The following OSBP variants were observed in gnomAD, a reference collection of about 807,000 sequenced individuals.
The protein encoded by OSBP is oxysterol-binding protein 1.
OSBP carries 32 observed loss-of-function variants against 96.6 expected under a neutral mutation model. That is an observed-to-expected ratio of 0.33 (90% CI 0.25 to 0.45). OSBP has a LOEUF of 0.45. Among genes scored for constraint, OSBP ranks in the 20% least tolerant of loss-of-function variants. The pLI is 1.00. For synonymous variants in OSBP, 369 were observed against 389.6 expected (o/e 0.95, Z 0.62); for missense variants, 653 against 1,029.7 (o/e 0.63, Z 5.01).
rs1213840643 is a variant in OSBP, at chr11:59,577,017, G to A, written c.2069C>T (p.Ala690Val). Residue 690 changes from alanine to valine, a missense_variant, in exon 13 of 14, where the codon GCA becomes GTA. Ala to Val is a moderately conservative substitution (Grantham distance 64). Around this residue, in one of 6 missense-constraint regions of OSBP, gnomAD observed 169 missense variants for 251.5 expected, o/e 0.67. Coordinates refer to ENST00000263847, the MANE Select transcript of OSBP (RefSeq NM_002556.3). ...LWKRNPLPKN[A>V]ENMYYFSELA... ...CTCTGAGAAGTAGTACATGTTTTCT[G>A]CATTCTTCCTAAAAGTAGAAGACAA... 6.2e-7 allele frequency: 1 copy of A among 1,611,002 alleles called. No homozygotes were observed. Among genetic ancestry groups the A allele is most frequent in the Non-Finnish European group, 8.5e-7 (1 of 1,178,970 alleles).
intron 9 of OSBP, among the ~76,000 whole-genome samples, chr11:59,582,826 A>G (rs1389318479): frequency 2.0e-5 from 3 of 152,166 alleles, no homozygotes; most frequent in Non-Finnish European, 4.4e-5. Context: ...TTTATCATCT[A>G]TAAACTTGGG....
chr11:59,581,785 C>T lies in OSBP; in HGVS notation c.1679-231G>A, dbSNP rs141316619. Reference sequence around the variant, plus strand: ...AAAACATAACTAAATGATGACAAACCCTGGCAACTGATATACCTTAGCTAG... The same window carrying T: ...AAAACATAACTAAATGATGACAAACTCTGGCAACTGATATACCTTAGCTAG... On this transcript the variant is annotated intron_variant, in intron 9 of 13. Transcript: ENST00000263847. Among the ~76,000 whole-genome samples, 70 of 152,244 alleles carry T rather than the reference C, an allele frequency of 4.6e-4. No individual in the cohort carries two copies. The East Asian group carries it at 0.011, about 24-fold the overall frequency.
intron 1 of OSBP, among the ~76,000 whole-genome samples, chr11:59,611,049 C>A (rs1445796296): frequency 6.7e-6 from 1 of 149,698 alleles, no homozygotes; most frequent in Non-Finnish European, 1.5e-5. Flanking sequence ...GCAGGAGAAT[C>A]GCTTGAACTT....
At chr11:59,581,071 T>C (rs1402816297) in intron 10 of OSBP, among the ~76,000 whole-genome samples, 1 of 152,220 alleles carries the variant, frequency 6.6e-6, no homozygotes, top group Non-Finnish European at 1.5e-5. Context: ...AATGATATAA[T>C]AAATTATTGA....
chr11:59,578,902 T>C (rs1860388887), intron 11 of OSBP, among the ~76,000 whole-genome samples: 1 of 152,240 alleles, frequency 6.6e-6, no homozygotes, highest in Non-Finnish European at 1.5e-5. Flanking sequence ...GTATATAATT[T>C]GCATTTATCC....
At chr11:59,586,863 A>T (rs1860504990) in intron 9 of OSBP, among the ~76,000 whole-genome samples, 1 of 152,242 alleles carries the variant, frequency 6.6e-6, no homozygotes. Flanking sequence ...ACCATGTACA[A>T]AAATTAACTC....
intron 3 of OSBP, 71 bp downstream of exon 3, chr11:59,608,413 G>C: frequency 6.3e-7 from 1 of 1,584,108 alleles, no homozygotes; most frequent in Non-Finnish European, 8.7e-7. Context: ...ACAATTTTTA[G>C]GCATTTGGGG....
At chr11:59,584,478 G>C (rs1860469103) in intron 9 of OSBP, among the ~76,000 whole-genome samples, 1 of 152,178 alleles carries the variant, frequency 6.6e-6, no homozygotes, top group African/African-American at 2.4e-5. Flanking sequence ...ATGCAAGGAT[G>C]GTTGAACACA....
intron 10 of OSBP, among the ~76,000 whole-genome samples, chr11:59,581,176 C>T (rs752717129): frequency 8.5e-5 from 13 of 152,162 alleles, no homozygotes; most frequent in Non-Finnish European, 1.3e-4. Context: ...GTTGGGGCCA[C>T]GTTTGTTTTT....
chr11:59,578,066 A>T, intron 12 of OSBP, 83 bp downstream of exon 12: 1 of 1,269,132 alleles, frequency 7.9e-7, no homozygotes, highest in Non-Finnish European at 1.1e-6. Flanking sequence ...TAATTAAGTG[A>T]GAGGGCAGGC....
intron 9 of OSBP, among the ~76,000 whole-genome samples, chr11:59,582,860 A>C (rs1251433082): frequency 6.6e-6 from 1 of 152,152 alleles, no homozygotes. Flanking sequence ...TTGTGCAGTA[A>C]ATGTCTGTTT....
chr11:59,608,601 C>G lies in OSBP; in HGVS notation c.705G>C (p.Leu235=). The G allele has an allele frequency of 6.2e-7, 1 of 1,614,154 alleles. No homozygotes were observed. The change falls in exon 3 of 14, where the codon CTG becomes CTC. Residue 235 remains leucine, a synonymous_variant. Transcript: ENST00000263847. ...NDLIAKHGTA[L]QRSLSELESL... is the part of the protein sequence containing the mutation. ...ACTCCAGCTCACTGAGAGAACGCTG[C>G]AGAGCTGTGCCATGCTTAGCTATCA...
chr11:59,575,681 GCA>G lies in OSBP; in HGVS notation c.*894_*895del, dbSNP rs1166855806. The G allele has an allele frequency of 6.6e-6, 1 of 152,422 alleles. No homozygotes were observed. Among genetic ancestry groups the G allele is most frequent in the African/African-American group, 2.4e-5 (1 of 41,396 alleles). 9.4% of individuals were successfully genotyped at this position (152,422 alleles called of 1,614,324 possible). ...AGGCAATGTTTTGCTCCACACTGGG[GCA>G]CAGACCCAAAATGGTACTGTGCCAG... On this transcript the variant is annotated 3_prime_UTR_variant, in exon 14 of 14. Transcript: ENST00000263847.
chr11:59,602,561 A>T (rs1269632236), intron 3 of OSBP, among the ~76,000 whole-genome samples: 1 of 152,176 alleles, frequency 6.6e-6, no homozygotes, highest in African/African-American at 2.4e-5. Context: ...TACGGCCATC[A>T]CCTGCCTTGT....
intron 1 of OSBP, 30 bp downstream of exon 1, chr11:59,615,273 G>C: frequency 6.4e-7 from 1 of 1,557,622 alleles, no homozygotes; most frequent in Non-Finnish European, 8.8e-7. Flanking sequence ...GGGGAGGCAA[G>C]GTGAGCGACA....
rs1403568232 is a variant in OSBP at position 59,604,723 on chromosome 11, G to A, written c.823-2885C>T. On this transcript the variant is annotated intron_variant, in intron 3 of 13. Transcript: ENST00000263847. ...CTCAAAAAAAAAGTTGAGTGTAGCA[G>A]CTCTGCCTGTAGTCCCAGCTACTCA... Among the ~76,000 whole-genome samples, 4 of 150,894 alleles carry A rather than the reference G, an allele frequency of 2.7e-5. No homozygotes were observed. The East Asian group carries it at 7.9e-4, about 30-fold the overall frequency.
At chr11:59,613,711 C>T (rs1163760229) in intron 1 of OSBP, among the ~76,000 whole-genome samples, 1 of 152,118 alleles carries the variant, frequency 6.6e-6, no homozygotes, top group Non-Finnish European at 1.5e-5. Context: ...TCGAAAGGGT[C>T]ATAATTAAAA....
At chr11:59,581,585 C>A (rs765450774) in intron 9 of OSBP, 31 bp from the exon 10 acceptor site, 1 of 1,325,408 alleles carries the variant, frequency 7.5e-7, no homozygotes, top group Non-Finnish European at 1.1e-6. Flanking sequence ...CCAAATTAAG[C>A]CAAATGTCAG....
chr11:59,581,586 C>CA (rs1860421433), intron 9 of OSBP, 32 bp from the exon 10 acceptor site: 1 of 1,288,734 alleles, frequency 7.8e-7, no homozygotes, highest in Non-Finnish European at 1.1e-6. Flanking sequence ...CAAATTAAGC[C>CA]AAATGTCAGA....
Sources: gnomAD v4.1 joint callset for allele counts (sites outside exome capture counted in the v4.1 genomes callset) on GRCh38, gnomAD v4.1.1 for gene constraint, gnomAD v4.1.1 regional missense constraint, MANE v1.5 for transcripts, NCBI Gene and HGNC (gene_info 2026-07-23, HGNC 2026-07-21) for gene names.